Variants in NLGN4Y observed in about 807,000 individuals in gnomAD.
NLGN4Y encodes the protein neuroligin-4, Y-linked.
A neutral mutation model predicts 8.4 loss-of-function variants in NLGN4Y; 4 were observed. The observed-to-expected ratio is 0.48, with a 90% CI of 0.23 to 1.09. The LOEUF is 1.09. Ranked by LOEUF, NLGN4Y falls within the 50% of genes least tolerant of loss-of-function variation. The pLI, the probability that NLGN4Y is intolerant of heterozygous loss-of-function variation, is 0.19. For synonymous variants in NLGN4Y, 35 were observed against 75.6 expected, an observed-to-expected ratio of 0.46 and a Z score of 2.78; for missense variants, 90 against 192.3, an observed-to-expected ratio of 0.47 and a Z score of 3.15.
chrY:14,813,220 C>T (rs9786564), intron 4 of NLGN4Y, among the ~76,000 whole-genome samples: 5,118 of 32,696 alleles, frequency 0.16, no homozygotes, highest in African/African-American at 0.6. Flanking sequence ...ACAATAAGCC[C>T]ACATGCTTCT....
At chrY:14,800,121 G>A in intron 4 of NLGN4Y, among the ~76,000 whole-genome samples, 2 of 33,044 alleles carry the variant, frequency 6.1e-5, no homozygotes, top group African/African-American at 1.2e-4. Flanking sequence ...GATTATGGAT[G>A]AAAGTAATGG....
intron 2 of NLGN4Y, among the ~76,000 whole-genome samples, chrY:14,691,822 T>C (rs1603502753): frequency 6.0e-5 from 2 of 33,305 alleles, no homozygotes; most frequent in East Asian, 1.6e-3. Context: ...CATTACCCCA[T>C]GTACTAATTA....
intron 4 of NLGN4Y, chrY:14,748,530 G>A (rs926158801): frequency 5.4e-4 from 84 of 156,725 alleles, no homozygotes; most frequent in Non-Finnish European, 2.2e-4. Context: ...TCTGAACACT[G>A]CATGCCAAGA....
intron 1 of NLGN4Y, among the ~76,000 whole-genome samples, chrY:14,534,768 CGTGTGTGTGTGT>C (rs112527610): frequency 1.5e-4 from 3 of 20,146 alleles, no homozygotes; most frequent in African/African-American, 4.2e-4. Flanking sequence ...TTTTATCTCT[CGTGTGTGTGTGT>C]GTGTGTGTGT....
intron 1 of NLGN4Y, among the ~76,000 whole-genome samples, chrY:14,558,778 G>T (rs780540917): frequency 9.1e-5 from 3 of 33,132 alleles, no homozygotes; most frequent in African/African-American, 3.5e-4. Context: ...TTTATTCTGA[G>T]CCAAATACCA....
intron 1 of NLGN4Y, among the ~76,000 whole-genome samples, chrY:14,533,983 T>C (rs2080122519): frequency 2.4e-4 from 8 of 33,649 alleles, no homozygotes; most frequent in Admixed American, 2.2e-3. Context: ...TTTTTTTCTA[T>C]CCAGTCTATC....
chrY:14,837,684 T>C, intron 6 of NLGN4Y, among the ~76,000 whole-genome samples: 1 of 33,850 alleles, frequency 3.0e-5, no homozygotes, highest in Non-Finnish European at 7.3e-5. Flanking sequence ...TATCAGTGCT[T>C]AAGAATTCTG....
chrY:14,730,614 C>T, intron 4 of NLGN4Y, among the ~76,000 whole-genome samples: 2 of 32,544 alleles, frequency 6.1e-5, no homozygotes, highest in Admixed American at 5.7e-4. Flanking sequence ...TTCCACTATT[C>T]CACTCTGTAT....
At chrY:14,547,764 G>T in intron 1 of NLGN4Y, among the ~76,000 whole-genome samples, 3 of 33,625 alleles carry the variant, frequency 8.9e-5, no homozygotes, top group Admixed American at 8.1e-4. Context: ...GATAGTAGAG[G>T]TTGGGATAGA....
intron 1 of NLGN4Y, among the ~76,000 whole-genome samples, chrY:14,571,512 A>G (rs774450172): frequency 3.0e-5 from 1 of 33,208 alleles, no homozygotes; most frequent in East Asian, 7.9e-4. Context: ...TTGTTAGATG[A>G]GTAGATTGCA....
intron 1 of NLGN4Y, among the ~76,000 whole-genome samples, chrY:14,568,431 C>A (rs2080259539): frequency 6.1e-5 from 2 of 33,019 alleles, no homozygotes; most frequent in African/African-American, 2.4e-4. Flanking sequence ...CATATGTATC[C>A]CATATTTTAA....
intron 4 of NLGN4Y, among the ~76,000 whole-genome samples, chrY:14,800,227 G>A (rs1020254234): frequency 3.0e-5 from 1 of 32,916 alleles, no homozygotes; most frequent in African/African-American, 1.2e-4. Context: ...ACAATAGGAC[G>A]CAGGACCCAG....
chrY:14,665,367 C>G, intron 2 of NLGN4Y, among the ~76,000 whole-genome samples: 3 of 33,127 alleles, frequency 9.1e-5, no homozygotes, highest in Non-Finnish European at 2.2e-4. Flanking sequence ...CTTCTGGTGT[C>G]TAATGGGTAG....
chrY:14,690,697 A>G, intron 2 of NLGN4Y, among the ~76,000 whole-genome samples: 1 of 32,220 alleles, frequency 3.1e-5, no homozygotes, highest in African/African-American at 1.2e-4. Flanking sequence ...TATCAAGCAG[A>G]AAGTATTTGT....
chrY:14,844,321 G>A lies in NLGN4Y; in HGVS notation c.*3059G>A. The A allele has an allele frequency of 2.3e-5, 1 of 44,337 alleles. No individual in the cohort carries two copies. Among genetic ancestry groups the A allele is most frequent in the African/African-American group, 1.1e-4 (1 of 8,760 alleles). 11.1% of individuals were successfully genotyped at this position (44,337 alleles called of 400,897 possible). A position where few individuals can be genotyped will look rare whatever the true frequency, so the allele number is the denominator to read the frequency against. On this transcript the variant is annotated 3_prime_UTR_variant, in exon 7 of 7. Transcript: ENST00000684976. Reference sequence around the variant, plus strand: ...AATGGTTTCAAATAGAAAGCCTTAGGTGAGTAAACCTTCTAGTGACAGTAA... The same window carrying A: ...AATGGTTTCAAATAGAAAGCCTTAGATGAGTAAACCTTCTAGTGACAGTAA...
At chrY:14,623,859 A>T (rs2150508679) in intron 2 of NLGN4Y, among the ~76,000 whole-genome samples, 1 of 33,496 alleles carries the variant, frequency 3.0e-5, no homozygotes, top group South Asian at 6.8e-4. Context: ...ACCCTGCTTC[A>T]TCATATTAGT....
intron 6 of NLGN4Y, among the ~76,000 whole-genome samples, chrY:14,839,396 T>C: frequency 3.0e-5 from 1 of 33,586 alleles, no homozygotes; most frequent in African/African-American, 1.2e-4. Flanking sequence ...CTATGCTTTA[T>C]GAATTATCTC....
intron 6 of NLGN4Y, among the ~76,000 whole-genome samples, chrY:14,831,505 T>G (rs2043178889): frequency 3.4e-5 from 1 of 29,703 alleles, no homozygotes; most frequent in Non-Finnish European, 7.8e-5. Context: ...AAAAGAACTA[T>G]TCCCATATGT....
At chrY:14,540,767 A>G in intron 1 of NLGN4Y, among the ~76,000 whole-genome samples, 2 of 33,655 alleles carry the variant, frequency 5.9e-5, no homozygotes, top group African/African-American at 1.2e-4. Context: ...ACAGAAAGGA[A>G]TAGCACATCC....
Sources: gnomAD v4.1 joint callset for allele counts (sites outside exome capture counted in the v4.1 genomes callset) on GRCh38, gnomAD v4.1.1 for gene constraint, MANE v1.5 for transcripts, NCBI Gene and HGNC (gene_info 2026-07-23, HGNC 2026-07-21) for gene names.